SATB2: variants seen among roughly 807,000 people sequenced by gnomAD.
SATB2 encodes the protein DNA-binding protein SATB2.
A neutral mutation model predicts 73.4 loss-of-function variants in SATB2; 1 was observed. The observed-to-expected ratio is 0.01, with a 90% CI of 0.00 to 0.06. The LOEUF is 0.06. SATB2 is among the 10% of genes least tolerant of loss of function. SATB2 has a pLI of 1.00. For synonymous variants in SATB2, 397 were observed against 367.0 expected (o/e 1.08, Z -0.93); for missense variants, 459 against 945.8 (o/e 0.49, Z 6.75).
chr2:199,449,295 C>G (rs1208240375), intron 2 of SATB2, among the ~76,000 whole-genome samples: 1 of 152,074 alleles, frequency 6.6e-6, no homozygotes. Context: ...AGCAAAGATA[C>G]AGAAGTTGTA....
At chr2:199,381,555 T>C (rs1032354715) in intron 4 of SATB2, 139 bp downstream of exon 4, 2 of 1,228,342 alleles carry the variant, frequency 1.6e-6, no homozygotes, top group Admixed American at 1.7e-5. Context: ...CTTCTCTCCT[T>C]CTTTCCCTCT....
rs184265691 is a variant in SATB2 at position 199,431,106 on chromosome 2, C to T, written c.346+2232G>A. On this transcript the variant is annotated intron_variant, in intron 3 of 10. Coordinates refer to ENST00000417098, the MANE Select transcript of SATB2 (RefSeq NM_001172509.2). ...ACATGAAACAATCAACAAAGTCAAA[C>T]AAAAATGAACAAAAAACTACCCCCA... 1.8e-4 allele frequency among the ~76,000 whole-genome samples: 28 copies of T among 152,258 alleles called. No homozygotes were observed. In the East Asian group the frequency reaches 5.0e-3, roughly 27 times the overall value.
chr2:199,344,681 T>C (rs1263337190), intron 7 of SATB2, among the ~76,000 whole-genome samples: 1 of 152,178 alleles, frequency 6.6e-6, no homozygotes, highest in Non-Finnish European at 1.5e-5. Context: ...CTGAAGACCG[T>C]TACCAAACCA....
At chr2:199,458,023 G>A (rs1048441837), upstream of SATB2, 1 of 156,908 alleles carries the variant, frequency 6.4e-6, no homozygotes, top group Non-Finnish European at 1.4e-5. Flanking sequence ...AGTCCTTTTG[G>A]GTTGTCCTCG....
At chr2:199,409,192 G>A (rs1448509200) in intron 3 of SATB2, among the ~76,000 whole-genome samples, 3 of 99,088 alleles carry the variant, frequency 3.0e-5, no homozygotes, top group South Asian at 3.3e-4. Context: ...TTTTTGAGAC[G>A]GAGTTTCACT....
intron 3 of SATB2, chr2:199,396,456 C>T (rs760986718): frequency 6.6e-6 from 1 of 152,010 alleles, no homozygotes; most frequent in Non-Finnish European, 1.5e-5. Context: ...AAGTGTAAGG[C>T]CTACAGATGT....
chr2:199,288,783 G>C (rs1164709906), intron 10 of SATB2, among the ~76,000 whole-genome samples: 3 of 152,058 alleles, frequency 2.0e-5, no homozygotes, highest in Non-Finnish European at 4.4e-5. Context: ...AAAAAATCTA[G>C]CATTACCACA....
At chr2:199,286,166 T>C (rs1692682444) in intron 10 of SATB2, among the ~76,000 whole-genome samples, 2 of 152,064 alleles carry the variant, frequency 1.3e-5, no homozygotes, top group East Asian at 1.9e-4. Flanking sequence ...GTCATTAATC[T>C]GATTGCTGGG....
At chr2:199,324,503 C>T (rs1176287470) in intron 8 of SATB2, among the ~76,000 whole-genome samples, 1 of 152,136 alleles carries the variant, frequency 6.6e-6, no homozygotes, top group East Asian at 1.9e-4. Context: ...CTAATTTCAC[C>T]TAGGAAATCA....
intron 3 of SATB2, chr2:199,423,536 G>A (rs943885565): frequency 9.2e-5 from 14 of 152,004 alleles, no homozygotes; most frequent in African/African-American, 2.9e-4. Context: ...AAAAATGTAT[G>A]CATGGAAAGA....
At chr2:199,417,779 T>G (rs544207339) in intron 3 of SATB2, among the ~76,000 whole-genome samples, 1 of 152,286 alleles carries the variant, frequency 6.6e-6, no homozygotes, top group African/African-American at 2.4e-5. Context: ...AATATTTAAG[T>G]ACTCTGAAGA....
intron 3 of SATB2, among the ~76,000 whole-genome samples, chr2:199,398,000 C>T (rs1361669536): frequency 1.3e-5 from 2 of 152,116 alleles, no homozygotes; most frequent in Non-Finnish European, 2.9e-5. Context: ...TTTCATTTAC[C>T]TTGTCAGGAT....
At chr2:199,355,809 T>C (rs1688964273) in intron 6 of SATB2, among the ~76,000 whole-genome samples, 1 of 152,174 alleles carries the variant, frequency 6.6e-6, no homozygotes, top group South Asian at 2.1e-4. Context: ...TTTCCTTAGA[T>C]ATCTCTATTA....
At chr2:199,374,004 T>C (rs1689524393) in intron 5 of SATB2, among the ~76,000 whole-genome samples, 1 of 152,234 alleles carries the variant, frequency 6.6e-6, no homozygotes, top group Admixed American at 6.5e-5. Context: ...TTTTTTCTGC[T>C]GACCCAATTG....
In SATB2 at chr2:199,414,804, A is replaced by T. The variant is rs79691269; in HGVS notation, c.346+18534T>A. 0.01 allele frequency among the ~76,000 whole-genome samples: 1,527 copies of T among 152,222 alleles called. 53 individuals carry two copies. The East Asian group carries it at 0.13, about 13-fold the overall frequency. On this transcript the variant is annotated intron_variant, in intron 3 of 10. Transcript: ENST00000417098. Reference sequence around the variant, plus strand: ...GGTCACTCTTCTCCCCAAGGATCACAAACAAAACAACGACTGGGAGCAAGG... The same window carrying T: ...GGTCACTCTTCTCCCCAAGGATCACTAACAAAACAACGACTGGGAGCAAGG...
chr2:199,409,167 C>CTTTTTTTTTTTTTTTTTTT (rs67330007), intron 3 of SATB2, among the ~76,000 whole-genome samples: 3 of 115,240 alleles, frequency 2.6e-5, no homozygotes, highest in Non-Finnish European at 5.4e-5. Context: ...TTTTTCTTTT[C>CTTTTTTTTTTTTTTTTTTT]TTTTTTTTTT....
At chr2:199,283,723 G>A (rs1042123228) in intron 10 of SATB2, among the ~76,000 whole-genome samples, 2 of 151,862 alleles carry the variant, frequency 1.3e-5, no homozygotes, top group East Asian at 2.0e-4. Context: ...ACTGCCACAC[G>A]CTCATGGCAA....
At chr2:199,408,553 A>G (rs1304804415) in intron 3 of SATB2, among the ~76,000 whole-genome samples, 1 of 152,136 alleles carries the variant, frequency 6.6e-6, no homozygotes, top group Non-Finnish European at 1.5e-5. Flanking sequence ...CTTGGTGCAA[A>G]AGTAATTGCG....
At chr2:199,311,012 G>C (rs1687580028) in intron 9 of SATB2, among the ~76,000 whole-genome samples, 1 of 152,220 alleles carries the variant, frequency 6.6e-6, no homozygotes, top group Non-Finnish European at 1.5e-5. Context: ...ATTATGGACT[G>C]TGTGCTGTCT....
Sources: gnomAD v4.1 joint callset for allele counts (sites outside exome capture counted in the v4.1 genomes callset) on GRCh38, gnomAD v4.1.1 for gene constraint, MANE v1.5 for transcripts, NCBI Gene and HGNC (gene_info 2026-07-23, HGNC 2026-07-21) for gene names.